The following DHX8 variants were observed in gnomAD, a reference collection of about 807,000 sequenced individuals.
DHX8 encodes ATP-dependent RNA helicase DHX8.
A neutral mutation model predicts 140.7 loss-of-function variants in DHX8; 67 were observed. The observed-to-expected ratio is 0.48, with a 90% CI of 0.39 to 0.58. The LOEUF is 0.58. DHX8 is among the 20% of genes least tolerant of loss of function. The pLI is 0.00. For missense variants in DHX8, 887 were observed against 1,550.7 expected (o/e 0.57, Z 7.19); for synonymous variants, 533 against 553.2 (o/e 0.96, Z 0.51).
At chr17:43,502,241 G>A (rs1969233470) in intron 11 of DHX8, among the ~76,000 whole-genome samples, 1 of 152,164 alleles carries the variant, frequency 6.6e-6, no homozygotes, top group Non-Finnish European at 1.5e-5. Context: ...CAGTTTGGCT[G>A]CATGTAATAG....
intron 15 of DHX8, 80 bp from the exon 16 acceptor site, chr17:43,508,259 T>G: frequency 6.6e-7 from 1 of 1,522,078 alleles, no homozygotes; most frequent in Non-Finnish European, 8.8e-7. Context: ...TATTTGAAGT[T>G]TTATTAATAT....
chr17:43,528,389 A>C, downstream of DHX8: 1 of 640,168 alleles, frequency 1.6e-6, no homozygotes, highest in East Asian at 2.8e-5. Context: ...GGCTAGGGCA[A>C]CTGGTAGGAC....
intron 8 of DHX8, among the ~76,000 whole-genome samples, 184 bp downstream of exon 8, chr17:43,494,070 A>G (rs1276450598): frequency 6.6e-6 from 1 of 152,236 alleles, no homozygotes; most frequent in Non-Finnish European, 1.5e-5. Flanking sequence ...TATTGGACTT[A>G]GAATTCCACT....
At chr17:43,500,718 C>T (rs961829580) in intron 11 of DHX8, among the ~76,000 whole-genome samples, 4 of 152,000 alleles carry the variant, frequency 2.6e-5, no homozygotes, top group Non-Finnish European at 4.4e-5. Flanking sequence ...CGAGACCATC[C>T]TGGCCAACAT....
rs1968572514 is a variant in DHX8 at position 43,492,350 on chromosome 17, A to G, written c.503+58A>G. ...TAGGGTACTGTGACAGTTGAATATTATGGACCAGCCAAGCAAAATTTTGGG... is the reference window on the plus strand; with the variant it reads ...TAGGGTACTGTGACAGTTGAATATTGTGGACCAGCCAAGCAAAATTTTGGG... On this transcript the variant is annotated intron_variant, in intron 5 of 22. Transcript: ENST00000262415. The G allele has an allele frequency of 7.5e-6, 11 of 1,457,026 alleles. No individual in the cohort carries two copies. The South Asian group carries it at 1.3e-4, about 17-fold the overall frequency. The allele number at this position is 1,457,026 out of a possible 1,614,324, so 90.3% of individuals were successfully genotyped here.
At chr17:43,494,760 T>C (rs1323664045) in intron 8 of DHX8, among the ~76,000 whole-genome samples, 2 of 151,282 alleles carry the variant, frequency 1.3e-5, no homozygotes, top group Admixed American at 1.3e-4. Context: ...AGGTTAGTGT[T>C]TAGCATATGG....
chr17:43,528,626 C>T (rs1253096815), downstream of DHX8: 1 of 1,614,178 alleles, frequency 6.2e-7, no homozygotes, highest in Non-Finnish European at 8.5e-7. Flanking sequence ...GTGTCCTCCT[C>T]ACTGACAGGC....
At chr17:43,527,614 T>G (rs1970655142), downstream of DHX8, among the ~76,000 whole-genome samples, 1 of 152,210 alleles carries the variant, frequency 6.6e-6, no homozygotes, top group Non-Finnish European at 1.5e-5. Flanking sequence ...GTACCCCCTG[T>G]CCATTATTTC....
Position 43,500,223 on chromosome 17 carries a change from G to T in DHX8, c.1546+120G>T, listed in dbSNP as rs554666923. 14 of 1,147,014 alleles carry T rather than the reference G, an allele frequency of 1.2e-5. 1 individual carries two copies. Among genetic ancestry groups the T allele is most frequent in the Middle Eastern group, 3.1e-4 (1 of 3,186 alleles). 71.1% of individuals were successfully genotyped at this position (1,147,014 alleles called of 1,614,324 possible). On this transcript the variant is annotated intron_variant, in intron 11 of 22. Coordinates refer to ENST00000262415, the MANE Select transcript of DHX8 (RefSeq NM_004941.3). Reference sequence around the variant, plus strand: ...CCCTTGGGCCGGGGCGGTGGCTCATGCCTGTAATCCCAGCACTTTGGGAGG... The same window carrying T: ...CCCTTGGGCCGGGGCGGTGGCTCATTCCTGTAATCCCAGCACTTTGGGAGG...
chr17:43,490,205 G>A (rs1025317276), intron 2 of DHX8, among the ~76,000 whole-genome samples, 186 bp from the exon 3 acceptor site: 2 of 152,082 alleles, frequency 1.3e-5, no homozygotes, highest in African/African-American at 4.8e-5. Context: ...CCTAAATATC[G>A]GCTTTCTCTG....
At chr17:43,491,120 A>G in intron 3 of DHX8, 45 bp from the exon 4 acceptor site, 1 of 843,514 alleles carries the variant, frequency 1.2e-6, no homozygotes, top group Non-Finnish European at 1.8e-6. Context: ...AATATTAAAT[A>G]TATATCTCTT....
At chr17:43,540,601 G>A (rs1393037497) in intron 3 of DHX8, among the ~76,000 whole-genome samples, 1 of 152,136 alleles carries the variant, frequency 6.6e-6, no homozygotes, top group Non-Finnish European at 1.5e-5. Flanking sequence ...GAGTGCAGTG[G>A]CACAATCAGA....
At chr17:43,538,975 G>T (rs1971388656) in intron 3 of DHX8, among the ~76,000 whole-genome samples, 1 of 152,102 alleles carries the variant, frequency 6.6e-6, no homozygotes, top group Non-Finnish European at 1.5e-5. Context: ...CATCTCTTTT[G>T]CTTCTCTCTA....
chr17:43,529,183 C>T (rs1283205963), downstream of DHX8: 13 of 1,613,930 alleles, frequency 8.1e-6, no homozygotes, highest in Middle Eastern at 1.6e-4. Context: ...AGCGGCTCAG[C>T]TTGTCGTAAT....
chr17:43,534,481 G>A (rs936464777), intron 2 of DHX8, among the ~76,000 whole-genome samples: 1 of 151,454 alleles, frequency 6.6e-6, no homozygotes, highest in Non-Finnish European at 1.5e-5. Flanking sequence ...GTGACAGAGC[G>A]AGACTCCGTC....
Position 43,523,814 on chromosome 17 carries a change from C to T in DHX8, c.3630C>T (p.Ala1210=). Residue 1210 remains alanine (A), a synonymous_variant, in exon 23 of 23, where the codon GCC becomes GCT. Coordinates refer to ENST00000262415, the MANE Select transcript of DHX8 (RefSeq NM_004941.3). ...PLYNRYEEPN[A]WRISRAFRRR is the part of the protein sequence containing the mutation. Reference sequence around the variant, plus strand: ...ACAACCGCTATGAGGAACCCAATGCCTGGAGAATATCTCGAGCTTTCCGAC... The same window carrying T: ...ACAACCGCTATGAGGAACCCAATGCTTGGAGAATATCTCGAGCTTTCCGAC... 2 of 1,614,204 alleles carry T rather than the reference C, an allele frequency of 1.2e-6. No homozygotes were observed. Among genetic ancestry groups the T allele is most frequent in the Non-Finnish European group, 1.7e-6 (2 of 1,180,036 alleles).
rs952753606 is a variant in DHX8, at chr17:43,525,010, T to C, written c.*1163T>C. 1.3e-5 allele frequency: 13 copies of C among 984,776 alleles called. No homozygotes were observed. Among genetic ancestry groups the C allele is most frequent in the Non-Finnish European group, 2.4e-6 (2 of 829,702 alleles). 61.0% of individuals were successfully genotyped at this position (984,776 alleles called of 1,614,324 possible). A position where few individuals can be genotyped will look rare whatever the true frequency, so the allele number is the denominator to read the frequency against. On this transcript the variant is annotated 3_prime_UTR_variant, in exon 23 of 23. Transcript: ENST00000262415. The stretch of plus-strand genomic sequence containing the variant: ...GTTCCCACTGTGCTGCCCAGGCTGC[T>C]CTCCAATCCCTGGCGTCAAGCAATC...
chr17:43,535,230 G>A (rs1971174512), intron 2 of DHX8, among the ~76,000 whole-genome samples: 1 of 152,180 alleles, frequency 6.6e-6, no homozygotes. Context: ...TTTCACTGGT[G>A]AAGACAGTTG....
At chr17:43,537,695 C>CA (rs1400557838) in intron 3 of DHX8, among the ~76,000 whole-genome samples, 1 of 146,440 alleles carries the variant, frequency 6.8e-6, no homozygotes, top group Non-Finnish European at 1.5e-5. Context: ...GACTCTGTTC[C>CA]AAAAAATGAA....
Sources: gnomAD v4.1 joint callset for allele counts (sites outside exome capture counted in the v4.1 genomes callset) on GRCh38, gnomAD v4.1.1 for gene constraint, MANE v1.5 for transcripts, NCBI Gene and HGNC (gene_info 2026-07-23, HGNC 2026-07-21) for gene names.